Variants in RGS6 observed in about 807,000 individuals in gnomAD.
RGS6 encodes the protein regulator of G protein signaling 6.
In RGS6, 30 loss-of-function variants were observed where a neutral mutation model predicts 78.5. That is an observed-to-expected ratio of 0.38 (90% CI 0.29 to 0.52). The LOEUF (loss-of-function observed/expected upper bound fraction) is 0.52, where lower values mean the gene tolerates loss of function less well. Ranked by LOEUF, RGS6 falls within the 20% of genes least tolerant of loss-of-function variation. RGS6 has a pLI of 0.85. For missense variants in RGS6, 495 were observed against 609.7 expected, an observed-to-expected ratio of 0.81 and a Z score of 1.98; for synonymous variants, 206 against 206.0, an observed-to-expected ratio of 1.00 and a Z score of 0.00.
the RGS6 span, among the ~76,000 whole-genome samples, chr14:72,609,526 TGA>T: frequency 1.6e-4 from 24 of 152,186 alleles, no homozygotes; most frequent in Non-Finnish European, 4.4e-5. Context: ...ACTGAAACAC[TGA>T]GAGAGCTTGA....
intron 2 of RGS6, among the ~76,000 whole-genome samples, chr14:72,130,494 A>G (rs2096291004): frequency 6.6e-6 from 1 of 152,176 alleles, no homozygotes; most frequent in Non-Finnish European, 1.5e-5. Context: ...GCACACCTTG[A>G]GTCACCTTGA....
In RGS6 at chr14:71,970,661, C is replaced by T. The variant is rs529075785; in HGVS notation, c.84+5786C>T. ...ACTAAGGCATGATGAGGATTAGAAA[C>T]TGTCGAATCAGGAAATACGTATTGA... On this transcript the variant is annotated intron_variant, in intron 2 of 17. Coordinates refer to ENST00000553525, the MANE Select transcript of RGS6 (RefSeq NM_001204424.2). 3.3e-5 allele frequency among the ~76,000 whole-genome samples: 5 copies of T among 152,282 alleles called. No individual in the cohort carries two copies. The South Asian group carries it at 1.0e-3, about 32-fold the overall frequency.
chr14:72,587,800 C>T, the RGS6 span, among the ~76,000 whole-genome samples: 1 of 152,192 alleles, frequency 6.6e-6, no homozygotes, highest in African/African-American at 2.4e-5. Flanking sequence ...TAGGTAAAAC[C>T]TTGGGGCACA....
chr14:72,312,343 A>G (rs1260142126), intron 2 of RGS6, among the ~76,000 whole-genome samples: 2 of 150,362 alleles, frequency 1.3e-5, no homozygotes, highest in Non-Finnish European at 2.9e-5. Context: ...CAGTTCTATT[A>G]TTGCTCATCA....
chr14:72,253,545 A>G (rs772204124), intron 2 of RGS6, among the ~76,000 whole-genome samples: 9 of 152,250 alleles, frequency 5.9e-5, no homozygotes, highest in South Asian at 2.1e-4. Context: ...AGGTATGGCT[A>G]TGTGCCAATA....
At chr14:72,347,398 A>T (rs2078266789) in intron 2 of RGS6, among the ~76,000 whole-genome samples, 1 of 152,144 alleles carries the variant, frequency 6.6e-6, no homozygotes, top group Admixed American at 6.5e-5. Flanking sequence ...AAATCATGAG[A>T]TGGTTGAGAA....
chr14:71,921,409 T>C, the RGS6 span, among the ~76,000 whole-genome samples: 1 of 152,258 alleles, frequency 6.6e-6, no homozygotes, highest in African/African-American at 2.4e-5. Context: ...TTTGAAGAGA[T>C]AGCTATGCTC....
chr14:71,885,884 TTTCC>T, the RGS6 span, among the ~76,000 whole-genome samples: 1,066 of 151,878 alleles, frequency 7.0e-3, 18 homozygotes, highest in African/African-American at 0.024. Flanking sequence ...AAATTCTTTC[TTTCC>T]TTCCTTCCTT....
chr14:72,276,915 T>A (rs984561246), intron 2 of RGS6, among the ~76,000 whole-genome samples: 1 of 152,124 alleles, frequency 6.6e-6, no homozygotes. Flanking sequence ...AATTTAAATA[T>A]CCAACTTCTA....
intron 2 of RGS6, among the ~76,000 whole-genome samples, chr14:72,106,701 A>G (rs983650291): frequency 6.6e-6 from 1 of 152,114 alleles, no homozygotes; most frequent in East Asian, 1.9e-4. Flanking sequence ...CTTTCAGTCT[A>G]TGCATTCCCC....
At chr14:72,268,938 T>G in intron 2 of RGS6, among the ~76,000 whole-genome samples, 1 of 152,252 alleles carries the variant, frequency 6.6e-6, no homozygotes, top group East Asian at 1.9e-4. Context: ...AGTAACACAC[T>G]GCTGGCAATT....
chr14:72,318,206 T>G (rs1025686230), intron 2 of RGS6, among the ~76,000 whole-genome samples: 1 of 152,046 alleles, frequency 6.6e-6, no homozygotes, highest in South Asian at 2.1e-4. Context: ...GCTGAAGAAC[T>G]TGGAATCTGA....
At chr14:72,621,162 T>A in the RGS6 span, among the ~76,000 whole-genome samples, 1 of 150,654 alleles carries the variant, frequency 6.6e-6, no homozygotes, top group African/African-American at 2.4e-5. Context: ...AAAAAAGACA[T>A]CTACATGTTT....
chr14:72,332,461 T>A (rs1408135320), intron 2 of RGS6, among the ~76,000 whole-genome samples: 3 of 152,180 alleles, frequency 2.0e-5, no homozygotes, highest in Non-Finnish European at 4.4e-5. Flanking sequence ...AACATCACTT[T>A]TGTCACCAAC....
chr14:72,116,638 A>G (rs1275325103), intron 2 of RGS6, among the ~76,000 whole-genome samples: 4 of 152,080 alleles, frequency 2.6e-5, no homozygotes, highest in African/African-American at 9.7e-5. Context: ...AATACCACTG[A>G]GATACTTTCA....
At chr14:72,487,301 A>G (rs1306041584) in intron 12 of RGS6, among the ~76,000 whole-genome samples, 1 of 152,380 alleles carries the variant, frequency 6.6e-6, no homozygotes, top group East Asian at 1.9e-4. Flanking sequence ...ATAGATAAAT[A>G]TAGTAAGAAA....
At chr14:71,882,356 T>C in the RGS6 span, among the ~76,000 whole-genome samples, 1 of 152,232 alleles carries the variant, frequency 6.6e-6, no homozygotes, top group Non-Finnish European at 1.5e-5. Flanking sequence ...ATTCATGTGT[T>C]GATGTGGGCA....
intron 2 of RGS6, among the ~76,000 whole-genome samples, chr14:72,299,797 A>G (rs1021091101): frequency 6.6e-6 from 1 of 152,194 alleles, no homozygotes; most frequent in Non-Finnish European, 1.5e-5. Flanking sequence ...GGAAATATCC[A>G]TTCAGCCTTG....
At chr14:72,124,743 C>A (rs2096145579) in intron 2 of RGS6, among the ~76,000 whole-genome samples, 1 of 152,140 alleles carries the variant, frequency 6.6e-6, no homozygotes, top group African/African-American at 2.4e-5. Context: ...TAATAACTTT[C>A]ACTATAGAAA....
Sources: gnomAD v4.1 joint callset for allele counts (sites outside exome capture counted in the v4.1 genomes callset) on GRCh38, gnomAD v4.1.1 for gene constraint, MANE v1.5 for transcripts, NCBI Gene and HGNC (gene_info 2026-07-23, HGNC 2026-07-21) for gene names.